Variants in FCSK observed in about 807,000 individuals in gnomAD.
FCSK encodes L-fucose kinase.
Under a neutral mutation model 122.5 loss-of-function variants are expected in FCSK, and 123 were observed. The observed-to-expected ratio is 1.00, with a 90% confidence interval of 0.87 to 1.17. The LOEUF (loss-of-function observed/expected upper bound fraction) is 1.17, where lower values mean the gene tolerates loss of function less well. Among genes scored for constraint, FCSK ranks in the 50% most tolerant of loss-of-function variants. The pLI is 0.00. For missense variants in FCSK, 1,366 were observed against 1,450.4 expected, an observed-to-expected ratio of 0.94 and a Z score of 0.95; for synonymous variants, 620 against 625.5, an observed-to-expected ratio of 0.99 and a Z score of 0.13.
At chr16:70,460,813 A>C (rs1431354424) in intron 1 of FCSK, among the ~76,000 whole-genome samples, 1 of 152,208 alleles carries the variant, frequency 6.6e-6, no homozygotes, top group Non-Finnish European at 1.5e-5. Flanking sequence ...GTTCGTTCAA[A>C]GCGTGGCCTC....
At chr16:70,466,092 CTG>C in intron 4 of FCSK, 38 bp from the exon 5 acceptor site, 1 of 1,604,530 alleles carries the variant, frequency 6.2e-7, no homozygotes, top group South Asian at 1.1e-5. Flanking sequence ...GCCTTGGGCT[CTG>C]TGCACTGAGG....
chr16:70,467,527 G>A (rs2151712178), intron 7 of FCSK, 56 bp downstream of exon 7: 4 of 1,341,310 alleles, frequency 3.0e-6, no homozygotes, highest in Non-Finnish European at 4.2e-6. Context: ...CTGTCAGTGG[G>A]CAGCCTCCTC....
chr16:70,471,370 A>T lies in FCSK; in HGVS notation c.1341+18A>T. ...GCTGGGAGGTAGGCAGTCACCCTGCATTCCCTCACCCCCATCTTCAGGCTT... is the reference window on the plus strand; with the variant it reads ...GCTGGGAGGTAGGCAGTCACCCTGCTTTCCCTCACCCCCATCTTCAGGCTT... On this transcript the variant is annotated intron_variant, in intron 13 of 23. Coordinates refer to ENST00000288078, the MANE Select transcript of FCSK (RefSeq NM_145059.3). 1 of 1,549,388 alleles carries T rather than the reference A, an allele frequency of 6.5e-7. No homozygotes were observed. The highest frequency in any genetic ancestry group is 8.8e-7 in the Non-Finnish European group (1 of 1,141,808).
chr16:70,479,893 C>A lies in FCSK; in HGVS notation c.*213C>A. On this transcript the variant is annotated 3_prime_UTR_variant, in exon 24 of 24. Transcript: ENST00000288078. ...GGCCTAGATGTAGCCTCTGTTCCTCCTGGACATAGGAAGGTCCCAAGCTTA... is the reference window on the plus strand; with the variant it reads ...GGCCTAGATGTAGCCTCTGTTCCTCATGGACATAGGAAGGTCCCAAGCTTA... 1 of 501,396 alleles carries A rather than the reference C, an allele frequency of 2.0e-6. No individual in the cohort carries two copies. The highest frequency in any genetic ancestry group is 2.9e-5 in the South Asian group (1 of 34,130). The allele number at this position is 501,396 out of a possible 1,614,324, so 31.1% of individuals were successfully genotyped here.
rs760673205 is a variant in FCSK at position 70,473,223 on chromosome 16, G to A, written c.1647G>A (p.Leu549=). The A allele has an allele frequency of 6.5e-7, 1 of 1,535,832 alleles. No homozygotes were observed. The highest frequency in any genetic ancestry group is 8.7e-7 in the Non-Finnish European group (1 of 1,145,914). The change falls in exon 15 of 24, where the codon CTG becomes CTA. Residue 549 remains leucine (L), a synonymous_variant. Transcript: ENST00000288078. This position sits in a 1 kb window ranked among gnomAD's most constrained non-coding sequence, Gnocchi z 4.9. ...CCACGCTGGCCTCTCGCCGGGACCT[G>A]TTCTTCCGCCAGGCCCTGCATAAGG... is the stretch of plus-strand genomic sequence containing the variant. The part of the protein sequence containing the change: ...RAATLASRRD[L]FFRQALHKAR...
chr16:70,478,870 G>A, intron 22 of FCSK: 1 of 699,882 alleles, frequency 1.4e-6, no homozygotes. Flanking sequence ...AGCCCTAACA[G>A]GAAGCAGAGA....
intron 20 of FCSK, chr16:70,477,672 C>CT (rs903738045): frequency 6.6e-6 from 1 of 152,538 alleles, no homozygotes; most frequent in African/African-American, 2.4e-5. Flanking sequence ...AGCCTCTCCT[C>CT]TGACTAAAAC....
At position 70,467,427 on chromosome 16, in the gene FCSK, C is replaced by T; in HGVS notation, c.538C>T (p.Pro180Ser). ...GARVIALPGS[P>S]AYAQNHGVYL... ...CAGAGTGATCGCCCTCCCAGGGAGC[C>T]CGGCCTACGCTCAGAATCATGGCGT... The change falls in exon 7 of 24, where the codon CCG becomes TCG. Residue 180 changes from proline (P) to serine (S), a missense_variant. Pro to Ser is a moderately conservative substitution (Grantham distance 74). Transcript: ENST00000288078. 1 of 1,610,532 alleles carries T rather than the reference C, an allele frequency of 6.2e-7. No individual in the cohort carries two copies. The highest frequency in any genetic ancestry group is 1.1e-5 in the South Asian group (1 of 90,316).
chr16:70,466,462 G>C, intron 5 of FCSK: 1 of 601,946 alleles, frequency 1.7e-6, no homozygotes, highest in Non-Finnish European at 2.8e-6. Context: ...AGAAGCCAAA[G>C]TGGGAGGATC....
At chr16:70,464,965 G>A in intron 3 of FCSK, 161 bp from the exon 4 acceptor site, 1 of 1,507,464 alleles carries the variant, frequency 6.6e-7, no homozygotes, top group Non-Finnish European at 9.0e-7. Flanking sequence ...GGAGGGACCA[G>A]GGCTGCCCCT....
intron 1 of FCSK, among the ~76,000 whole-genome samples, chr16:70,460,528 C>T (rs991354493): frequency 6.6e-6 from 1 of 152,102 alleles, no homozygotes; most frequent in African/African-American, 2.4e-5. Context: ...ACTCAGCCTC[C>T]TGAGTAGCTG....
At chr16:70,459,824 A>G (rs1465124698) in intron 1 of FCSK, among the ~76,000 whole-genome samples, 1 of 150,078 alleles carries the variant, frequency 6.7e-6, no homozygotes, top group Non-Finnish European at 1.5e-5. Context: ...TTTTCGAGAT[A>G]GATTTTTGCT....
chr16:70,476,868 C>T (rs1371319361), intron 20 of FCSK, among the ~76,000 whole-genome samples: 1 of 152,200 alleles, frequency 6.6e-6, no homozygotes, highest in Non-Finnish European at 1.5e-5. Context: ...GTTGAGAACC[C>T]ACTCTGTGGG....
intron 1 of FCSK, among the ~76,000 whole-genome samples, chr16:70,460,695 G>A (rs1334294821): frequency 3.9e-5 from 6 of 152,198 alleles, no homozygotes; most frequent in Admixed American, 1.3e-4. Context: ...GAGCCACTGC[G>A]CCCAGGTGGC....
intron 6 of FCSK, 55 bp downstream of exon 6, chr16:70,467,009 C>G (rs1416383641): frequency 1.3e-6 from 2 of 1,516,596 alleles, no homozygotes; most frequent in Admixed American, 3.3e-5. Context: ...CAGCAAGAAG[C>G]CAGCTCTGCC....
intron 1 of FCSK, among the ~76,000 whole-genome samples, chr16:70,460,073 A>G (rs2048214844): frequency 6.8e-6 from 1 of 147,116 alleles, no homozygotes; most frequent in African/African-American, 2.5e-5. Flanking sequence ...TGCTCGGATT[A>G]TAGGCGTGAG....
In FCSK at chr16:70,472,690, A is replaced by C. The variant is rs1225182572; in HGVS notation, c.1406+85A>C. ...TTGAGGTGTGTCCCTCCCCTGCCCC[A>C]GAGCAGCACGGGCCGTGTTACCATC... On this transcript the variant is annotated intron_variant, in intron 14 of 23. Transcript: ENST00000288078. 5 of 1,138,640 alleles carry C rather than the reference A, an allele frequency of 4.4e-6. No homozygotes were observed. The Admixed American group carries it at 1.1e-4, about 26-fold the overall frequency. The allele number at this position is 1,138,640 out of a possible 1,614,324, so 70.5% of individuals were successfully genotyped here. A position where few individuals can be genotyped will look rare whatever the true frequency, so the allele number is the denominator to read the frequency against.
intron 20 of FCSK, 110 bp from the exon 21 acceptor site, chr16:70,478,162 A>C: frequency 3.9e-6 from 4 of 1,027,220 alleles, no homozygotes; most frequent in Non-Finnish European, 5.7e-6. Context: ...AGTTGAGGGA[A>C]GCTATCTTTC....
chr16:70,466,526 C>G (rs2048422633), intron 5 of FCSK: 1 of 479,874 alleles, frequency 2.1e-6, no homozygotes, highest in African/African-American at 1.9e-5. Context: ...GACCCCATCT[C>G]TACAAAAAAA....
Sources: gnomAD v4.1 joint callset for allele counts (sites outside exome capture counted in the v4.1 genomes callset) on GRCh38, gnomAD v4.1.1 for gene constraint, Gnocchi (gnomAD v3.1) non-coding constraint, MANE v1.5 for transcripts, NCBI Gene and HGNC (gene_info 2026-07-23, HGNC 2026-07-21) for gene names.